The following SLC4A4 variants were observed in gnomAD, a reference collection of about 807,000 sequenced individuals.
SLC4A4 encodes solute carrier family 4 member 4.
SLC4A4 carries 27 observed loss-of-function variants against 111.5 expected under a neutral mutation model. The observed-to-expected ratio is 0.24, with a 90% CI of 0.18 to 0.33. The LOEUF (loss-of-function observed/expected upper bound fraction) is 0.33, where lower values mean the gene tolerates loss of function less well. Ranked by LOEUF, SLC4A4 falls within the 10% of genes least tolerant of loss-of-function variation. The pLI is 1.00. For missense variants in SLC4A4, 909 were observed against 1,315.5 expected, an observed-to-expected ratio of 0.69 and a Z score of 4.78; for synonymous variants, 443 against 463.4, an observed-to-expected ratio of 0.96 and a Z score of 0.57.
At chr4:71,369,157 A>G (rs970751658) in intron 6 of SLC4A4, among the ~76,000 whole-genome samples, 2 of 152,080 alleles carry the variant, frequency 1.3e-5, no homozygotes, top group Non-Finnish European at 2.9e-5. Context: ...ATGGCTGGGG[A>G]AAGGGCAAGG....
rs757992081 is a variant in SLC4A4 at position 71,567,092 on chromosome 4, G to A, written c.*36+9G>A. The A allele has an allele frequency of 6.2e-7, 1 of 1,601,890 alleles. No individual in the cohort carries two copies. Among genetic ancestry groups the A allele is most frequent in the Non-Finnish European group, 8.5e-7 (1 of 1,171,310 alleles). ...TCACTCGGTATGCCAAGGTAAAGGA[G>A]AGCCCAGTATTTTATGTTTTTCTGT... On this transcript the variant is annotated intron_variant, in intron 25 of 25. Coordinates refer to ENST00000264485, the MANE Select transcript of SLC4A4 (RefSeq NM_001098484.3).
intron 18 of SLC4A4, among the ~76,000 whole-genome samples, chr4:71,543,835 T>C (rs1735279629): frequency 6.6e-6 from 1 of 152,064 alleles, no homozygotes; most frequent in Non-Finnish European, 1.5e-5. Context: ...GTCTCTACTG[T>C]TTTTCTCCTT....
intron 4 of SLC4A4, among the ~76,000 whole-genome samples, chr4:71,341,556 G>A (rs1578875442): frequency 6.6e-6 from 1 of 152,036 alleles, no homozygotes; most frequent in African/African-American, 2.4e-5. Context: ...AAGAGTTAGA[G>A]GAATAATTTT....
rs571605727 is a variant in SLC4A4, at chr4:71,166,368, T to G, written c.-1-70208T>G. Reference sequence around the variant, plus strand: ...TTAAAACAGTTTTCAAATCAAGGTATTCTTTTGAAAGAACTATCTTAATAA... The same window carrying G: ...TTAAAACAGTTTTCAAATCAAGGTAGTCTTTTGAAAGAACTATCTTAATAA... On this transcript the variant is annotated intron_variant, in intron 2 of 26. Coordinates refer to the SLC4A4 transcript ENST00000649996. 3.3e-5 allele frequency among the ~76,000 whole-genome samples: 5 copies of G among 152,330 alleles called. No homozygotes were observed. In the East Asian group the frequency reaches 9.7e-4, roughly 29 times the overall value.
At chr4:71,389,675 G>A (rs1323689153) in intron 6 of SLC4A4, among the ~76,000 whole-genome samples, 1 of 152,118 alleles carries the variant, frequency 6.6e-6, no homozygotes, top group Admixed American at 6.6e-5. Flanking sequence ...TGTGCACACA[G>A]CATCTCCCTC....
Position 71,181,081 on chromosome 4 carries a change from C to T in SLC4A4, c.-1-55495C>T, listed in dbSNP as rs979518348. Among the ~76,000 whole-genome samples the T allele has an allele frequency of 7.3e-5, 11 of 151,656 alleles. No individual in the cohort carries two copies. In the East Asian group the frequency reaches 7.8e-4, roughly 11 times the overall value. On this transcript the variant is annotated intron_variant, in intron 2 of 26. Coordinates refer to the SLC4A4 transcript ENST00000649996. ...TCCTTTGTAGGGACATGGATGAAGC[C>T]GGAAACCATCACTCTCAGCAAACTA...
intron 3 of SLC4A4, among the ~76,000 whole-genome samples, chr4:71,298,917 T>G (rs1449142446): frequency 2.0e-5 from 3 of 152,220 alleles, no homozygotes; most frequent in Admixed American, 1.3e-4. Flanking sequence ...CCTTTAACTC[T>G]TCTGCTGAAA....
chr4:71,543,669 T>C (rs1735266959), intron 18 of SLC4A4, among the ~76,000 whole-genome samples: 8 of 152,086 alleles, frequency 5.3e-5, no homozygotes, highest in Admixed American at 5.2e-4. Context: ...CATAAGCTAT[T>C]CTTTTGACCC....
chr4:71,224,187 T>C (rs1718920700), intron 1 of SLC4A4, among the ~76,000 whole-genome samples: 1 of 152,204 alleles, frequency 6.6e-6, no homozygotes, highest in Non-Finnish European at 1.5e-5. Flanking sequence ...TCTCTGAGCC[T>C]GATCCTCTCA....
At chr4:71,163,762 C>A (rs2602109) in intron 2 of SLC4A4, among the ~76,000 whole-genome samples, 25,555 of 152,224 alleles carry the variant, frequency 0.17, 4,648 homozygotes, top group African/African-American at 0.46. Flanking sequence ...TAGCTGCTTT[C>A]TCACAACAGT....
chr4:71,456,733 T>G (rs962953383), intron 12 of SLC4A4, among the ~76,000 whole-genome samples: 2 of 152,154 alleles, frequency 1.3e-5, no homozygotes, highest in Admixed American at 6.6e-5. Flanking sequence ...ATCCCAGTTA[T>G]AGTGTAGGGT....
chr4:71,156,517 G>A (rs1423593840), intron 2 of SLC4A4, among the ~76,000 whole-genome samples: 9 of 150,232 alleles, frequency 6.0e-5, no homozygotes, highest in Admixed American at 1.3e-4. Context: ...GTATAAAGAC[G>A]GTAAAATTAT....
At chr4:71,455,628 G>A (rs535269109) in intron 12 of SLC4A4, among the ~76,000 whole-genome samples, 5 of 152,250 alleles carry the variant, frequency 3.3e-5, no homozygotes, top group South Asian at 4.1e-4. Flanking sequence ...ACTGTCTTCC[G>A]TCTGTCAGAA....
Position 71,084,651 on chromosome 4 carries a change from G to A in SLC4A4, c.-64-8079G>A, listed in dbSNP as rs937007905. Among the ~76,000 whole-genome samples, 8 of 151,986 alleles carry A rather than the reference G, an allele frequency of 5.3e-5. No individual in the cohort carries two copies. The East Asian group carries it at 7.7e-4, about 15-fold the overall frequency. ...TTCCCACCTCTGAGTAAGAACATGC[G>A]GTGTTTGGTTTTTTGTCCTTGCGAT... On this transcript the variant is annotated intron_variant, in intron 1 of 26. Transcript: ENST00000649996.
intron 2 of SLC4A4, among the ~76,000 whole-genome samples, chr4:71,138,797 G>A (rs542126334): frequency 3.3e-4 from 50 of 152,248 alleles, no homozygotes; most frequent in South Asian, 2.5e-3. Context: ...AGCACTTTGG[G>A]AGGCCAAGGA....
intron 1 of SLC4A4, among the ~76,000 whole-genome samples, chr4:71,222,457 T>C (rs948922945): frequency 2.0e-5 from 3 of 152,260 alleles, no homozygotes; most frequent in Non-Finnish European, 4.4e-5. Flanking sequence ...CATTGTAGTA[T>C]CAACTTTTAA....
At chr4:71,548,925 G>A (rs1361438870) in intron 20 of SLC4A4, among the ~76,000 whole-genome samples, 1 of 151,866 alleles carries the variant, frequency 6.6e-6, no homozygotes, top group African/African-American at 2.4e-5. Context: ...TATACAGTAT[G>A]CACAAAATAC....
intron 7 of SLC4A4, among the ~76,000 whole-genome samples, chr4:71,424,111 C>A (rs1360847385): frequency 6.6e-6 from 1 of 152,058 alleles, no homozygotes; most frequent in African/African-American, 2.4e-5. Flanking sequence ...GGGCTAATAT[C>A]CAGAATCTAC....
chr4:71,332,573 T>TA (rs1437785434), intron 3 of SLC4A4, among the ~76,000 whole-genome samples: 3 of 151,762 alleles, frequency 2.0e-5, no homozygotes, highest in South Asian at 4.1e-4. Flanking sequence ...GCCTCCCGAG[T>TA]AGCTGGGACT....
Sources: gnomAD v4.1 joint callset for allele counts (sites outside exome capture counted in the v4.1 genomes callset) on GRCh38, gnomAD v4.1.1 for gene constraint, MANE v1.5 for transcripts, NCBI Gene and HGNC (gene_info 2026-07-23, HGNC 2026-07-21) for gene names.